The following VWA5B2 variants were observed in gnomAD, a reference collection of about 807,000 sequenced individuals.
VWA5B2 encodes the protein von Willebrand factor A domain containing 5B2.
In VWA5B2, 93 loss-of-function variants were observed where a neutral mutation model predicts 118.5. The ratio of observed to expected loss-of-function variants is 0.79; its 90% CI spans 0.66 to 0.93. The LOEUF (loss-of-function observed/expected upper bound fraction) is 0.93, where lower values mean the gene tolerates loss of function less well. Ranked by LOEUF, VWA5B2 falls within the 40% of genes least tolerant of loss-of-function variation. The pLI is 0.00. For synonymous variants in VWA5B2, 708 were observed against 716.3 expected (o/e 0.99, Z 0.19); for missense variants, 1,546 against 1,672.8 (o/e 0.92, Z 1.32).
chr3:184,241,258 G>A lies in VWA5B2; in HGVS notation c.3034G>A (p.Asp1012Asn), dbSNP rs994773737. ...TGGCAACTCCAAGCGTGCTTTGGGGGACCCTGCCACTCCCACGGAAGGTCC... is the reference window on the plus strand; with the variant it reads ...TGGCAACTCCAAGCGTGCTTTGGGGAACCCTGCCACTCCCACGGAAGGTCC... ...QNGNSKRALG[D>N]PATPTEGPRR... The change falls in exon 19 of 20, where the codon GAC (aspartate) becomes AAC (asparagine). Residue 1012 changes from aspartate to asparagine, a missense_variant. Physicochemically the swap from Asp to Asn is conservative, Grantham distance 23. Around this residue, in one of 3 missense-constraint regions of VWA5B2, gnomAD observed 763 missense variants for 766.6 expected, o/e 1.00. Transcript: ENST00000691901. This position sits in a 1 kb window ranked among gnomAD's most constrained non-coding sequence, Gnocchi z 5.1. 1 of 1,551,188 alleles carries A rather than the reference G, an allele frequency of 6.4e-7. No individual in the cohort carries two copies. Among genetic ancestry groups the A allele is most frequent in the Non-Finnish European group, 8.7e-7 (1 of 1,146,940 alleles).
At position 184,234,656 on chromosome 3, in the gene VWA5B2, G is replaced by A. The variant is rs1382762915; in HGVS notation, c.846G>A (p.Leu282=). ...PSEPHQPHLM[L]EGGSLSSAEY... ...AGCCCCATCAGCCACACCTGATGCT[G>A]GAGGGCGGCAGCCTGAGCTCAGCAG... is the stretch of plus-strand genomic sequence containing the variant. The change falls in exon 7 of 20, where the codon CTG becomes CTA. Residue 282 remains leucine, a synonymous_variant. Transcript: ENST00000691901. The A allele has an allele frequency of 6.4e-7, 1 of 1,551,406 alleles. No homozygotes were observed. The highest frequency in any genetic ancestry group is 8.7e-7 in the Non-Finnish European group (1 of 1,146,992).
chr3:184,241,794 T>G lies in VWA5B2; in HGVS notation c.3485T>G (p.Leu1162Arg). Reference sequence around the variant, plus strand: ...GCGGAAGGGCTGGGCGGCACCGACCTGCGGGGCCGGACCTGGGCCACTGCC... The same window carrying G: ...GCGGAAGGGCTGGGCGGCACCGACCGGCGGGGCCGGACCTGGGCCACTGCC... ...EGAEGLGGTD[L>R]RGRTWATAVA... Residue 1162 changes from leucine (L) to arginine (R), a missense_variant, in exon 20 of 20, where the codon CTG becomes CGG. Physicochemically the swap from Leu to Arg is moderately radical, Grantham distance 102. Transcript: ENST00000691901. The surrounding 1 kb of genome is among the most constrained non-coding windows in gnomAD (Gnocchi z 5.1). The G allele has an allele frequency of 6.7e-7, 1 of 1,498,348 alleles. No homozygotes were observed. Among genetic ancestry groups the G allele is most frequent in the Non-Finnish European group, 8.9e-7 (1 of 1,125,724 alleles). The allele number at this position is 1,498,348 out of a possible 1,614,324, so 92.8% of individuals were successfully genotyped here. A position where few individuals can be genotyped will look rare whatever the true frequency, so the allele number is the denominator to read the frequency against.
In VWA5B2 at chr3:184,233,037, C is replaced by T. The variant is rs979948135; in HGVS notation, c.311-141C>T. ...TCATTCATCTCATGCCTCCATCCTGCGTCACCAATGCATTAGCCTAGTGCC... is the reference window on the plus strand; with the variant it reads ...TCATTCATCTCATGCCTCCATCCTGTGTCACCAATGCATTAGCCTAGTGCC... On this transcript the variant is annotated intron_variant, in intron 3 of 19. Transcript: ENST00000691901. This position sits in a 1 kb window ranked among gnomAD's most constrained non-coding sequence, Gnocchi z 5.2. 7 of 682,722 alleles carry T rather than the reference C, an allele frequency of 1.0e-5. No individual in the cohort carries two copies. The highest frequency in any genetic ancestry group is 5.5e-5 in the African/African-American group (3 of 55,044). The allele number at this position is 682,722 out of a possible 1,614,324, so 42.3% of individuals were successfully genotyped here.
chr3:184,241,881 C>G lies in VWA5B2; in HGVS notation c.3572C>G (p.Ala1191Gly), dbSNP rs532286690. The change falls in exon 20 of 20, where the codon GCG (alanine) becomes GGG (glycine). Residue 1191 changes from alanine to glycine, a missense_variant. By Grantham distance (60) the Ala-to-Gly change is moderately conservative. Around this residue, in one of 3 missense-constraint regions of VWA5B2, gnomAD observed 763 missense variants for 766.6 expected, o/e 1.00. Transcript: ENST00000691901. The surrounding 1 kb of genome is among the most constrained non-coding windows in gnomAD (Gnocchi z 5.1). The stretch of plus-strand genomic sequence containing the variant: ...GCCTTCGACGAGTGGGAACTGACAG[C>G]GGCCAAGGCTGATTGCTGGCTGCGG... ...AAAFDEWELT[A>G]AKADCWLRAQ... 6.5e-7 allele frequency: 1 copy of G among 1,546,392 alleles called. No individual in the cohort carries two copies. Among genetic ancestry groups the G allele is most frequent in the South Asian group, 1.2e-5 (1 of 83,988 alleles).
intron 3 of VWA5B2, 85 bp downstream of exon 3, chr3:184,231,002 C>A: frequency 8.4e-7 from 1 of 1,195,100 alleles, no homozygotes; most frequent in Non-Finnish European, 1.0e-6. Flanking sequence ...GCCCGTCCCC[C>A]GCCTTCCTCC....
At chr3:184,235,344 T>G in intron 8 of VWA5B2, 36 bp downstream of exon 8, 1 of 1,534,652 alleles carries the variant, frequency 6.5e-7, no homozygotes, top group East Asian at 2.5e-5. Flanking sequence ...GCCTGGGGGT[T>G]GGGTGGGGCA....
At position 184,233,463 on chromosome 3, in the gene VWA5B2, G is replaced by C; in HGVS notation, c.530+66G>C. 6.7e-7 allele frequency: 1 copy of C among 1,501,296 alleles called. No individual in the cohort carries two copies. The highest frequency in any genetic ancestry group is 8.9e-7 in the Non-Finnish European group (1 of 1,122,310). 93.0% of individuals were successfully genotyped at this position (1,501,296 alleles called of 1,614,324 possible). ...CTCTGGGTCTAGTGCGGGTGAGGGG[G>C]CACTGGCAGGGTACCCAGGGATGGG... On this transcript the variant is annotated intron_variant, in intron 4 of 19. Coordinates refer to ENST00000691901, the MANE Select transcript of VWA5B2 (RefSeq NM_001390846.1). This position sits in a 1 kb window ranked among gnomAD's most constrained non-coding sequence, Gnocchi z 5.2.
chr3:184,235,082 A>C, intron 7 of VWA5B2, 71 bp from the exon 8 acceptor site: 2 of 1,504,694 alleles, frequency 1.3e-6, no homozygotes, highest in South Asian at 2.5e-5. Context: ...CCCCAGAGCC[A>C]GTCCCACTGC....
rs1325051447 is a variant in VWA5B2 at position 184,241,023 on chromosome 3, G to A, written c.2879-1G>A. ...GACTCCTGTCCCATGTGCCCCTGCA[G>A]AGCCCGCTGAGCCCCCAGGAACCCC... On this transcript the variant is annotated splice_acceptor_variant, in intron 17 of 19. Transcript: ENST00000691901. LOFTEE classifies it high-confidence loss of function. The surrounding 1 kb of genome is among the most constrained non-coding windows in gnomAD (Gnocchi z 5.1). The A allele has an allele frequency of 6.4e-7, 1 of 1,551,524 alleles. No individual in the cohort carries two copies. The highest frequency in any genetic ancestry group is 2.4e-5 in the East Asian group (1 of 40,936).
chr3:184,239,407 G>A lies in VWA5B2; in HGVS notation c.2216G>A (p.Ser739Asn), dbSNP rs1718325389. The A allele has an allele frequency of 6.5e-7, 1 of 1,544,648 alleles. No homozygotes were observed. The highest frequency in any genetic ancestry group is 8.8e-7 in the Non-Finnish European group (1 of 1,142,666). Residue 739 changes from serine to asparagine, a missense_variant, in exon 15 of 20, where the codon AGT becomes AAT. Coordinates refer to ENST00000691901, the MANE Select transcript of VWA5B2 (RefSeq NM_001390846.1). The surrounding 1 kb of genome is among the most constrained non-coding windows in gnomAD (Gnocchi z 5.1). ...TCTCACATGCAGGTGGGGGCCTTGA[G>A]TACTGAGGTGCTGGGCCGTCAGCAC... ...TPAPFKVGAL[S>N]TEVLGRQHRA...
In VWA5B2 at chr3:184,237,226, C is replaced by T. The variant is rs1377790101; in HGVS notation, c.1534C>T (p.Leu512=). ...TCTTCCCTGTGGCCACTCCCCACAG[C>T]TGGTACAGGCTCTGCGGAAGGCACT... is the stretch of plus-strand genomic sequence containing the variant. ...LRPGQRLQPM[L]VQALRKALEP... The change falls in exon 12 of 20, where the codon CTG becomes TTG. Residue 512 remains leucine (L), a splice_region_variant and synonymous_variant. Coordinates refer to ENST00000691901, the MANE Select transcript of VWA5B2 (RefSeq NM_001390846.1). This position sits in a 1 kb window ranked among gnomAD's most constrained non-coding sequence, Gnocchi z 5.6. 6.4e-7 allele frequency: 1 copy of T among 1,550,718 alleles called. No homozygotes were observed. The highest frequency in any genetic ancestry group is 8.7e-7 in the Non-Finnish European group (1 of 1,146,468).
intron 16 of VWA5B2, 146 bp from the exon 17 acceptor site, chr3:184,240,645 C>A: frequency 8.7e-7 from 1 of 1,144,754 alleles, no homozygotes; most frequent in Non-Finnish European, 1.2e-6. Context: ...GTTGGGGAGT[C>A]TGAGCTGGTT....
At position 184,235,248 on chromosome 3, in the gene VWA5B2, C is replaced by G; in HGVS notation, c.1041C>G (p.His347Gln). ...FCPDLSSKPGHLGTATRELLF... is the reference protein window; with the variant it reads ...FCPDLSSKPGQLGTATRELLF... ...CAGACCTGAGCTCCAAGCCCGGACA[C>G]CTGGGGACAGCTACTCGGGAGCTAC... The change falls in exon 8 of 20, where the codon CAC becomes CAG. Residue 347 changes from histidine (H) to glutamine (Q), a missense_variant. By Grantham distance (24) the His-to-Gln change is conservative (BLOSUM62 0). Coordinates refer to ENST00000691901, the MANE Select transcript of VWA5B2 (RefSeq NM_001390846.1). 6.4e-7 allele frequency: 1 copy of G among 1,551,616 alleles called. No homozygotes were observed. The highest frequency in any genetic ancestry group is 8.7e-7 in the Non-Finnish European group (1 of 1,146,944).
In VWA5B2 at chr3:184,236,424, TG is replaced by T; in HGVS notation, c.1297del (p.Ala433ProfsTer34). The T allele has an allele frequency of 6.5e-7, 1 of 1,547,296 alleles. No homozygotes were observed. Among genetic ancestry groups the T allele is most frequent in the Non-Finnish European group, 8.7e-7 (1 of 1,146,640 alleles). On this transcript the variant is annotated frameshift_variant, in exon 10 of 20. Transcript: ENST00000691901. LOFTEE classifies it high-confidence loss of function. ...CCCAGACGTGCTGGCTGCTCTGGACTGGGCCGTGGGGCAGCCCCAGCACAGG... is the reference window on the plus strand; with the variant it reads ...CCCAGACGTGCTGGCTGCTCTGGACTGGCCGTGGGGCAGCCCCAGCACAGG... ...GPPDVLAALD[W>X]AVGQPQHRAY...
rs1032321038 is a variant in VWA5B2, at chr3:184,240,013, G to A, written c.2717G>A (p.Gly906Glu). ...AATGAGCAGCTGGCCCTCCGAGGAGGGGCAGAGACCACAGCTGACCGGGGT... is the reference window on the plus strand; with the variant it reads ...AATGAGCAGCTGGCCCTCCGAGGAGAGGCAGAGACCACAGCTGACCGGGGT... ...RDNEQLALRGGAETTADRGHA... is the reference protein window; with the variant it reads ...RDNEQLALRGEAETTADRGHA... The change falls in exon 16 of 20, where the codon GGG (glycine) becomes GAG (glutamate). Residue 906 changes from glycine (G) to glutamate (E), a missense_variant. By Grantham distance (98) the Gly-to-Glu change is moderately conservative (BLOSUM62 -2). This residue lies in a region of VWA5B2 where 763 missense variants were observed against 766.6 expected (regional missense o/e 1.00). Transcript: ENST00000691901. The A allele has an allele frequency of 6.5e-7, 1 of 1,546,910 alleles. No homozygotes were observed. The highest frequency in any genetic ancestry group is 1.4e-5 in the African/African-American group (1 of 73,058).
At position 184,237,218 on chromosome 3, in the gene VWA5B2, C is replaced by G. The variant is rs1177338834; in HGVS notation, c.1534-8C>G. On this transcript the variant is annotated splice_polypyrimidine_tract_variant and splice_region_variant and intron_variant, in intron 11 of 19. Transcript: ENST00000691901. This position sits in a 1 kb window ranked among gnomAD's most constrained non-coding sequence, Gnocchi z 5.6. ...TTCCCATGTCTTCCCTGTGGCCACTCCCCACAGCTGGTACAGGCTCTGCGG... is the reference window on the plus strand; with the variant it reads ...TTCCCATGTCTTCCCTGTGGCCACTGCCCACAGCTGGTACAGGCTCTGCGG... 1 of 1,550,114 alleles carries G rather than the reference C, an allele frequency of 6.5e-7. No individual in the cohort carries two copies. The highest frequency in any genetic ancestry group is 8.7e-7 in the Non-Finnish European group (1 of 1,146,062).
In VWA5B2 at chr3:184,234,381, C is replaced by T; in HGVS notation, c.804C>T (p.Ile268=). ...ACCACTGTGACCGGGCCTTGGAGAT[C>T]CTGCTGCACCCCAGTGGTGAGAGAC... is the stretch of plus-strand genomic sequence containing the variant. ...EGHHCDRALE[I]LLHPSEPHQP... The change falls in exon 6 of 20, where the codon ATC becomes ATT. Residue 268 remains isoleucine, a synonymous_variant. Coordinates refer to ENST00000691901, the MANE Select transcript of VWA5B2 (RefSeq NM_001390846.1). 1 of 1,551,796 alleles carries T rather than the reference C, an allele frequency of 6.4e-7. No homozygotes were observed. The highest frequency in any genetic ancestry group is 8.7e-7 in the Non-Finnish European group (1 of 1,147,038).
chr3:184,237,140 A>G lies in VWA5B2; in HGVS notation c.1534-86A>G. 1.4e-6 allele frequency: 2 copies of G among 1,438,794 alleles called. No homozygotes were observed. The highest frequency in any genetic ancestry group is 1.9e-6 in the Non-Finnish European group (2 of 1,066,678). 89.1% of individuals were successfully genotyped at this position (1,438,794 alleles called of 1,614,324 possible). On this transcript the variant is annotated intron_variant, in intron 11 of 19. Coordinates refer to ENST00000691901, the MANE Select transcript of VWA5B2 (RefSeq NM_001390846.1). This position sits in a 1 kb window ranked among gnomAD's most constrained non-coding sequence, Gnocchi z 5.6. ...TCAGCTTAGGGGCTGGGCAGATGGCATCAGGGGAAGGGCAGCCTTCCTGCT... is the reference window on the plus strand; with the variant it reads ...TCAGCTTAGGGGCTGGGCAGATGGCGTCAGGGGAAGGGCAGCCTTCCTGCT...
rs1717724637 is a variant in VWA5B2 at position 184,234,279 on chromosome 3, CT to C, written c.703del (p.Ser235LeufsTer46). The C allele has an allele frequency of 1.3e-6, 2 of 1,551,600 alleles. No individual in the cohort carries two copies. Among genetic ancestry groups the C allele is most frequent in the African/African-American group, 2.7e-5 (2 of 73,048 alleles). ...TATGTCCCTCAGGCCTGGAGAGCCC[CT>C]CTCATGCTCTGCGGGCAGATGCCCC... ...PCLLAGLESP[S>X]HALRADAPPH... On this transcript the variant is annotated frameshift_variant, in exon 6 of 20. Transcript: ENST00000691901. LOFTEE classifies it high-confidence loss of function.
Sources: gnomAD v4.1 joint callset for allele counts on GRCh38, gnomAD v4.1.1 for gene constraint, gnomAD v4.1.1 regional missense constraint, Gnocchi (gnomAD v3.1) non-coding constraint, MANE v1.5 for transcripts, NCBI Gene and HGNC (gene_info 2026-07-23, HGNC 2026-07-21) for gene names.